The following PRKN variants were observed in gnomAD, a reference collection of about 807,000 sequenced individuals.
The protein encoded by PRKN is E3 ubiquitin-protein ligase parkin.
Under a neutral mutation model 59.5 loss-of-function variants are expected in PRKN, and 56 were observed. That is an observed-to-expected ratio of 0.94 (90% CI 0.76 to 1.18). The LOEUF (loss-of-function observed/expected upper bound fraction) is 1.18, where lower values mean the gene tolerates loss of function less well. Ranked by LOEUF, PRKN falls within the 50% of genes most tolerant of loss-of-function variation. The pLI is 0.00. For missense variants in PRKN, 657 were observed against 596.4 expected (o/e 1.10, Z -1.06); for synonymous variants, 250 against 222.1 (o/e 1.13, Z -1.12).
At chr6:162,522,134 G>GT (rs1466799961) in intron 1 of PRKN, among the ~76,000 whole-genome samples, 3 of 151,928 alleles carry the variant, frequency 2.0e-5, no homozygotes, top group East Asian at 1.9e-4. Flanking sequence ...ATTTTATTTT[G>GT]TTTTTTTGAG....
chr6:161,408,697 T>C (rs973505340), intron 9 of PRKN, among the ~76,000 whole-genome samples: 1 of 152,034 alleles, frequency 6.6e-6, no homozygotes, highest in Non-Finnish European at 1.5e-5. Flanking sequence ...GGGAATGCTG[T>C]TGGTGGCAAG....
intron 5 of PRKN, among the ~76,000 whole-genome samples, chr6:162,052,050 C>T (rs1777666607): frequency 6.6e-6 from 1 of 152,178 alleles, no homozygotes; most frequent in East Asian, 1.9e-4. Flanking sequence ...TGAGATCGGG[C>T]ACGTTCAGGG....
chr6:161,716,033 GT>G, intron 7 of PRKN: 1 of 1,154,760 alleles, frequency 8.7e-7, no homozygotes, highest in Non-Finnish European at 1.2e-6. Flanking sequence ...ATTGGATCTG[GT>G]TTAGCGACAC....
At chr6:162,460,959 AAAGT>A (rs1488186351) in intron 1 of PRKN, among the ~76,000 whole-genome samples, 2 of 152,312 alleles carry the variant, frequency 1.3e-5, no homozygotes, top group African/African-American at 4.8e-5. Context: ...CATATGCTCT[AAAGT>A]AAGTATGAAT....
At chr6:161,622,836 A>G (rs1782956622) in intron 7 of PRKN, among the ~76,000 whole-genome samples, 1 of 152,240 alleles carries the variant, frequency 6.6e-6, no homozygotes, top group South Asian at 2.1e-4. Context: ...TTAAAACACT[A>G]AATTCTCAGA....
chr6:161,478,354 T>C (rs1171774465), intron 9 of PRKN, among the ~76,000 whole-genome samples: 1 of 152,206 alleles, frequency 6.6e-6, no homozygotes, highest in Non-Finnish European at 1.5e-5. Flanking sequence ...ATGTGAGATT[T>C]ACACATTGTA....
chr6:161,387,147 C>G (rs191219533), intron 9 of PRKN, among the ~76,000 whole-genome samples: 3 of 152,256 alleles, frequency 2.0e-5, no homozygotes, highest in Admixed American at 2.0e-4. Context: ...GTGGAAGACA[C>G]AGTGATATGG....
intron 2 of PRKN, among the ~76,000 whole-genome samples, chr6:162,368,572 C>T (rs1027245866): frequency 1.3e-5 from 2 of 152,138 alleles, no homozygotes; most frequent in African/African-American, 4.8e-5. Flanking sequence ...GTACCAGCAG[C>T]ACAGAAGCTC....
At chr6:161,476,178 C>T (rs1285974304) in intron 9 of PRKN, among the ~76,000 whole-genome samples, 1 of 146,918 alleles carries the variant, frequency 6.8e-6, no homozygotes, top group Non-Finnish European at 1.5e-5. Flanking sequence ...CAGAGTGAGA[C>T]TCTGTCTCAG....
chr6:161,867,423 A>G (rs896114306), intron 6 of PRKN, among the ~76,000 whole-genome samples: 2 of 152,220 alleles, frequency 1.3e-5, no homozygotes, highest in African/African-American at 4.8e-5. Context: ...TAAAAATGTA[A>G]AATACATTCT....
chr6:162,643,683 T>C (rs1303469765), intron 1 of PRKN, among the ~76,000 whole-genome samples: 2 of 152,128 alleles, frequency 1.3e-5, no homozygotes, highest in Non-Finnish European at 2.9e-5. Context: ...AAATATTAAT[T>C]TCATGTTTAT....
chr6:161,749,197 C>T (rs1788570290), intron 7 of PRKN, among the ~76,000 whole-genome samples: 1 of 152,154 alleles, frequency 6.6e-6, no homozygotes. Context: ...CCTAGAGGGG[C>T]GCAGCTTCGC....
chr6:162,661,345 G>A (rs1315211991), intron 1 of PRKN, among the ~76,000 whole-genome samples: 3 of 152,154 alleles, frequency 2.0e-5, no homozygotes, highest in African/African-American at 4.8e-5. Flanking sequence ...TAAAGAACAA[G>A]TTTCTAATGT....
chr6:161,788,542 T>C (rs1221692589), intron 6 of PRKN, among the ~76,000 whole-genome samples: 1 of 152,194 alleles, frequency 6.6e-6, no homozygotes, highest in African/African-American at 2.4e-5. Flanking sequence ...AAGCTACAGC[T>C]GCACCAGGCC....
rs6455728 is a variant in PRKN at position 161,428,757 on chromosome 6, T to A, written c.1084-41880A>T. ...ATTTTTCTGCCTGAGTACCTCTACC[T>A]TGGAAAACCTCCATCTTGTCATATA... On this transcript the variant is annotated intron_variant, in intron 9 of 11. Coordinates refer to ENST00000366898, the MANE Select transcript of PRKN (RefSeq NM_004562.3). The surrounding 1 kb of genome is among the most constrained non-coding windows in gnomAD (Gnocchi z 4.0). 4.6e-3 allele frequency among the ~76,000 whole-genome samples: 697 copies of A among 152,160 alleles called. 6 individuals carry two copies. Among genetic ancestry groups the A allele is most frequent in the African/African-American group, 0.016 (654 of 41,510 alleles).
intron 8 of PRKN, among the ~76,000 whole-genome samples, chr6:161,564,577 C>G (rs1472320308): frequency 1.3e-5 from 2 of 152,174 alleles, no homozygotes; most frequent in Non-Finnish European, 2.9e-5. Flanking sequence ...GTTTTTGTGT[C>G]TGCAATCCCA....
intron 7 of PRKN, among the ~76,000 whole-genome samples, chr6:161,661,115 C>T (rs1562591035): frequency 6.6e-6 from 1 of 152,202 alleles, no homozygotes; most frequent in Non-Finnish European, 1.5e-5. Context: ...TCTGTGTCAT[C>T]ATCTTCACTC....
In PRKN at chr6:161,397,965, A is replaced by G. The variant is rs2114972284; in HGVS notation, c.1084-11088T>C. ...CAACAGAGAGCTCTGAATCAGTTTG[A>G]AAACAGCAAAAGATGATGAAAAGAG... On this transcript the variant is annotated intron_variant, in intron 9 of 11. Coordinates refer to ENST00000366898, the MANE Select transcript of PRKN (RefSeq NM_004562.3). The surrounding 1 kb of genome is among the most constrained non-coding windows in gnomAD (Gnocchi z 4.2). Among the ~76,000 whole-genome samples, 1 of 152,302 alleles carries G rather than the reference A, an allele frequency of 6.6e-6. No individual in the cohort carries two copies. Among genetic ancestry groups the G allele is most frequent in the Middle Eastern group, 3.4e-3 (1 of 294 alleles).
intron 6 of PRKN, among the ~76,000 whole-genome samples, chr6:161,873,478 G>A (rs186595362): frequency 2.0e-5 from 3 of 151,844 alleles, no homozygotes; most frequent in Admixed American, 6.6e-5. Context: ...AATGCGTATC[G>A]GACTCGAGAA....
Sources: gnomAD v4.1 joint callset for allele counts (sites outside exome capture counted in the v4.1 genomes callset) on GRCh38, gnomAD v4.1.1 for gene constraint, Gnocchi (gnomAD v3.1) non-coding constraint, MANE v1.5 for transcripts, NCBI Gene and HGNC (gene_info 2026-07-23, HGNC 2026-07-21) for gene names.